NDUFAF6: variants seen among roughly 807,000 people sequenced by gnomAD.
NDUFAF6 encodes NADH:ubiquinone oxidoreductase complex assembly factor 6.
Under a neutral mutation model 40.8 loss-of-function variants are expected in NDUFAF6, and 45 were observed. That is an observed-to-expected ratio of 1.10 (90% CI 0.87 to 1.42). NDUFAF6 has a LOEUF of 1.42. NDUFAF6 is among the 40% of genes most tolerant of loss of function. The pLI, the probability that NDUFAF6 is intolerant of heterozygous loss-of-function variation, is 0.00. For missense variants in NDUFAF6, 435 were observed against 418.5 expected, an observed-to-expected ratio of 1.04 and a Z score of -0.34; for synonymous variants, 185 against 155.9, an observed-to-expected ratio of 1.19 and a Z score of -1.39.
chr8:95,043,116 C>T (rs1232928882), intron 4 of NDUFAF6, among the ~76,000 whole-genome samples: 5 of 143,922 alleles, frequency 3.5e-5, no homozygotes, highest in African/African-American at 7.7e-5. Flanking sequence ...GATGGAGTCT[C>T]GCTCTGTTGC....
chr8:95,028,787 GT>G (rs1399204488), intron 1 of NDUFAF6, among the ~76,000 whole-genome samples: 1 of 152,106 alleles, frequency 6.6e-6, no homozygotes, highest in Non-Finnish European at 1.5e-5. Context: ...CCCATTCAGT[GT>G]TTTTCTCACT....
chr8:95,085,696 T>C (rs1809025107), intron 2 of NDUFAF6: 1 of 149,368 alleles, frequency 6.7e-6, no homozygotes, highest in Non-Finnish European at 1.5e-5. Context: ...TTAAGAGATA[T>C]TTAAAAAACT....
chr8:94,979,752 A>G (rs992767164), intron 1 of NDUFAF6, among the ~76,000 whole-genome samples: 19 of 152,262 alleles, frequency 1.2e-4, no homozygotes, highest in African/African-American at 4.3e-4. Flanking sequence ...GAGGATCACA[A>G]CAATGTAAAA....
chr8:95,037,357 T>G (rs1008234981), intron 3 of NDUFAF6, among the ~76,000 whole-genome samples: 2 of 152,252 alleles, frequency 1.3e-5, no homozygotes, highest in Non-Finnish European at 2.9e-5. Context: ...CAGCCTTGAG[T>G]AAATAGGAGT....
At chr8:95,006,373 A>G (rs867782285) in intron 2 of NDUFAF6, among the ~76,000 whole-genome samples, 299 of 138,558 alleles carry the variant, frequency 2.2e-3, no homozygotes, top group African/African-American at 7.2e-3. Flanking sequence ...AAAAAAAAAA[A>G]AAAGAAAGAA....
chr8:95,100,650 A>C (rs1342089995), intron 1 of NDUFAF6: 2 of 152,174 alleles, frequency 1.3e-5, no homozygotes, highest in African/African-American at 2.4e-5. Context: ...AGGGGTTGGG[A>C]AGTATTGGCT....
chr8:95,005,779 G>A lies in NDUFAF6; in HGVS notation c.-84+24806G>A, dbSNP rs141150603. On this transcript the variant is annotated intron_variant, in intron 2 of 9. Coordinates refer to the NDUFAF6 transcript ENST00000396111. ...TAAATGCCTTTAATTAGACCAATTC[G>A]TATTGGTCTCAAAGATAGAATGTCT... 3.4e-4 allele frequency among the ~76,000 whole-genome samples: 52 copies of A among 151,118 alleles called. 2 individuals are homozygous for A. The East Asian group carries it at 8.0e-3, about 23-fold the overall frequency.
intron 2 of NDUFAF6, among the ~76,000 whole-genome samples, chr8:94,982,918 A>T (rs1299567095): frequency 6.6e-6 from 1 of 152,232 alleles, no homozygotes; most frequent in Non-Finnish European, 1.5e-5. Flanking sequence ...CAGAATGTGC[A>T]TGTTCGTTAT....
At chr8:95,096,939 G>A (rs1049646045), upstream of NDUFAF6, among the ~76,000 whole-genome samples, 1 of 152,190 alleles carries the variant, frequency 6.6e-6, no homozygotes, top group Admixed American at 6.5e-5. Flanking sequence ...GAGATGTTGT[G>A]CAATTTCAGA....
At chr8:94,988,294 T>A (rs1424992682) in intron 2 of NDUFAF6, 1 of 152,246 alleles carries the variant, frequency 6.6e-6, no homozygotes, top group African/African-American at 2.4e-5. Flanking sequence ...TAAACTGTGA[T>A]GGTTGTTGAC....
intron 9 of NDUFAF6, among the ~76,000 whole-genome samples, chr8:95,064,038 A>ATTTTTTTTTTTTTT (rs1160777112): frequency 2.5e-4 from 26 of 104,806 alleles, no homozygotes; most frequent in Admixed American, 3.2e-4. Flanking sequence ...CGCCTGGCTA[A>ATTTTTTTTTTTTTT]TTTTTTTTTT....
At chr8:94,907,960 C>T (rs1021948516) in intron 1 of NDUFAF6, among the ~76,000 whole-genome samples, 1 of 152,140 alleles carries the variant, frequency 6.6e-6, no homozygotes, top group South Asian at 2.1e-4. Context: ...TAGTGGCTGG[C>T]CCCTATGTAT....
intron 4 of NDUFAF6, among the ~76,000 whole-genome samples, chr8:95,043,414 A>G (rs1286208299): frequency 6.6e-6 from 1 of 152,048 alleles, no homozygotes; most frequent in Non-Finnish European, 1.5e-5. Flanking sequence ...TGTGATACCA[A>G]AGGCACAAGC....
chr8:95,112,288 A>G (rs903633504), intron 4 of NDUFAF6, among the ~76,000 whole-genome samples: 3 of 152,204 alleles, frequency 2.0e-5, no homozygotes, highest in Admixed American at 6.5e-5. Context: ...CGTTCTTTGC[A>G]GATACAATGA....
chr8:94,902,246 C>CT (rs1470124129), intron 1 of NDUFAF6, among the ~76,000 whole-genome samples: 2 of 49,070 alleles, frequency 4.1e-5, no homozygotes, highest in Admixed American at 3.7e-4. Flanking sequence ...TGATGAAACT[C>CT]TATCAAAAAA....
intron 1 of NDUFAF6, among the ~76,000 whole-genome samples, chr8:94,973,748 G>A (rs1824682165): frequency 6.6e-6 from 1 of 151,168 alleles, no homozygotes; most frequent in Admixed American, 6.6e-5. Flanking sequence ...GGCCAGACGT[G>A]GTGGCTCACA....
intron 2 of NDUFAF6, among the ~76,000 whole-genome samples, chr8:94,985,482 TATATATATATATATATATATATATATATA>T (rs1563770485): frequency 8.2e-4 from 3 of 3,678 alleles, no homozygotes; most frequent in Non-Finnish European, 2.2e-3. Flanking sequence ...TATATATATA[TATATATATATATATATATATATATATATA>T]TATATTTTTT....
At chr8:95,044,945 C>G (rs550067343) in intron 4 of NDUFAF6, among the ~76,000 whole-genome samples, 2 of 152,106 alleles carry the variant, frequency 1.3e-5, no homozygotes, top group African/African-American at 4.8e-5. Context: ...GGAATCAACC[C>G]TGTTATTTTA....
At chr8:95,096,744 T>C (rs917608517), upstream of NDUFAF6, among the ~76,000 whole-genome samples, 2 of 152,232 alleles carry the variant, frequency 1.3e-5, no homozygotes, top group Admixed American at 1.3e-4. Context: ...TTTTCACCTG[T>C]ATCATTCTCT....
Sources: gnomAD v4.1 joint callset for allele counts (sites outside exome capture counted in the v4.1 genomes callset) on GRCh38, gnomAD v4.1.1 for gene constraint, MANE v1.5 for transcripts, NCBI Gene and HGNC (gene_info 2026-07-23, HGNC 2026-07-21) for gene names.